DPYSL3: variants seen among roughly 807,000 people sequenced by gnomAD.
DPYSL3 encodes dihydropyrimidinase-related protein 3.
DPYSL3 carries 16 observed loss-of-function variants against 66.1 expected under a neutral mutation model. The ratio of observed to expected loss-of-function variants is 0.24; its 90% CI spans 0.16 to 0.37. The LOEUF (loss-of-function observed/expected upper bound fraction) is 0.37. Among genes scored for constraint, DPYSL3 ranks in the 10% least tolerant of loss-of-function variants. The pLI is 1.00. For missense variants in DPYSL3, 738 were observed against 916.2 expected, an observed-to-expected ratio of 0.81 and a Z score of 2.51; for synonymous variants, 338 against 345.1, an observed-to-expected ratio of 0.98 and a Z score of 0.23.
intron 1 of DPYSL3, among the ~76,000 whole-genome samples, chr5:147,506,198 TAGAA>T (rs1753683651): frequency 6.6e-6 from 1 of 152,130 alleles, no homozygotes; most frequent in Non-Finnish European, 1.5e-5. Flanking sequence ...TATGATATAA[TAGAA>T]AGATGAGCTA....
intron 1 of DPYSL3, among the ~76,000 whole-genome samples, chr5:147,504,945 T>A (rs1251901954): frequency 6.6e-6 from 1 of 152,258 alleles, no homozygotes; most frequent in Non-Finnish European, 1.5e-5. Context: ...GTAACTATTT[T>A]ACTGCTAGGA....
chr5:147,453,519 G>A (rs1384938040), intron 1 of DPYSL3: 3 of 1,521,970 alleles, frequency 2.0e-6, no homozygotes, highest in East Asian at 5.3e-5. Flanking sequence ...AGCGAGCGAG[G>A]AGGGAGGGAG....
At chr5:147,467,384 T>A (rs1753026303) in intron 1 of DPYSL3, among the ~76,000 whole-genome samples, 1 of 152,122 alleles carries the variant, frequency 6.6e-6, no homozygotes, top group Non-Finnish European at 1.5e-5. Flanking sequence ...TAGTACAGGA[T>A]AATTAAAAGA....
rs907612116 is a variant in DPYSL3, at chr5:147,453,643, C to A, written c.382-28680G>T. The stretch of plus-strand genomic sequence containing the variant: ...CCTCCCTCCTTCTTCTGCTCCGGCT[C>A]GCCCGCGCCTTCCTCAGCGCACAGC... On this transcript the variant is annotated intron_variant, in intron 1 of 13. Coordinates refer to ENST00000343218, the MANE Select transcript of DPYSL3 (RefSeq NM_001197294.2). The A allele has an allele frequency of 1.4e-5, 21 of 1,507,838 alleles. No individual in the cohort carries two copies. In the Middle Eastern group the frequency reaches 5.8e-4, roughly 42 times the overall value. The allele number at this position is 1,507,838 out of a possible 1,614,324, so 93.4% of individuals were successfully genotyped here. A position where few individuals can be genotyped will look rare whatever the true frequency, so the allele number is the denominator to read the frequency against.
intron 1 of DPYSL3, among the ~76,000 whole-genome samples, chr5:147,492,125 G>C (rs1405129797): frequency 2.6e-5 from 4 of 152,008 alleles, no homozygotes; most frequent in African/African-American, 9.7e-5. Context: ...CCAGAAAAGA[G>C]TGAATACAAA....
chr5:147,483,190 G>A (rs956834949), intron 1 of DPYSL3, among the ~76,000 whole-genome samples: 16 of 152,148 alleles, frequency 1.1e-4, no homozygotes, highest in Admixed American at 4.6e-4. Flanking sequence ...AAAGGGATAT[G>A]ATCAAATTTA....
intron 1 of DPYSL3, among the ~76,000 whole-genome samples, chr5:147,500,096 C>T (rs368060501): frequency 8.5e-5 from 13 of 152,198 alleles, no homozygotes; most frequent in African/African-American, 2.6e-4. Flanking sequence ...GAAAATAACA[C>T]AGATGACCTT....
chr5:147,456,493 C>A (rs540417557), intron 1 of DPYSL3, among the ~76,000 whole-genome samples: 1 of 151,834 alleles, frequency 6.6e-6, no homozygotes, highest in East Asian at 1.9e-4. Context: ...GTTGCTCAGG[C>A]GAAAGGTTTG....
At chr5:147,500,545 T>C (rs1245605077) in intron 1 of DPYSL3, among the ~76,000 whole-genome samples, 1 of 145,180 alleles carries the variant, frequency 6.9e-6, no homozygotes, top group Non-Finnish European at 1.5e-5. Context: ...ACCTGGGAGA[T>C]AGAGATTGCA....
At chr5:147,414,724 G>A (rs1751927264) in intron 4 of DPYSL3, among the ~76,000 whole-genome samples, 1 of 152,162 alleles carries the variant, frequency 6.6e-6, no homozygotes, top group South Asian at 2.1e-4. Flanking sequence ...CACATTCTGT[G>A]TCACCAAAGA....
intron 1 of DPYSL3, among the ~76,000 whole-genome samples, chr5:147,476,845 T>C (rs2126429865): frequency 6.6e-6 from 1 of 152,312 alleles, no homozygotes; most frequent in African/African-American, 2.4e-5. Context: ...ATGAACAATG[T>C]TCATTGCAAA....
At chr5:147,500,880 G>T (rs549633211) in intron 1 of DPYSL3, among the ~76,000 whole-genome samples, 1 of 152,254 alleles carries the variant, frequency 6.6e-6, no homozygotes, top group Admixed American at 6.5e-5. Flanking sequence ...AATGCAGATT[G>T]GTAGCACCAC....
intron 1 of DPYSL3, among the ~76,000 whole-genome samples, chr5:147,462,003 G>A (rs1215455689): frequency 1.3e-5 from 2 of 151,568 alleles, no homozygotes; most frequent in Non-Finnish European, 2.9e-5. Context: ...GCAGAGGTTA[G>A]CAGCACAGTT....
At chr5:147,494,124 C>T (rs958365844) in intron 1 of DPYSL3, among the ~76,000 whole-genome samples, 8 of 151,702 alleles carry the variant, frequency 5.3e-5, no homozygotes, top group East Asian at 3.9e-4. Flanking sequence ...ACCCAGGAGG[C>T]GGAGGTGTCT....
intron 1 of DPYSL3, among the ~76,000 whole-genome samples, chr5:147,499,070 C>T (rs931134683): frequency 1.3e-5 from 2 of 152,098 alleles, no homozygotes; most frequent in African/African-American, 4.8e-5. Context: ...ACATTTCACT[C>T]TTTAATCCAT....
intron 1 of DPYSL3, among the ~76,000 whole-genome samples, chr5:147,437,577 G>A (rs555226397): frequency 4.6e-5 from 7 of 152,288 alleles, no homozygotes; most frequent in Admixed American, 2.6e-4. Context: ...CACACCAGGC[G>A]GCCATGAAGA....
chr5:147,480,703 A>ATATATATTAT (rs1554116786), intron 1 of DPYSL3, among the ~76,000 whole-genome samples: 6 of 142,472 alleles, frequency 4.2e-5, no homozygotes, highest in African/African-American at 1.5e-4. Context: ...GAATATATAT[A>ATATATATTAT]TATTATTATT....
At chr5:147,445,225 G>A (rs151330322) in intron 1 of DPYSL3, among the ~76,000 whole-genome samples, 1 of 152,290 alleles carries the variant, frequency 6.6e-6, no homozygotes, top group East Asian at 1.9e-4. Flanking sequence ...GAGGACTGGA[G>A]GCCAGACAAG....
At chr5:147,499,404 C>A (rs1042223197) in intron 1 of DPYSL3, among the ~76,000 whole-genome samples, 2 of 151,938 alleles carry the variant, frequency 1.3e-5, no homozygotes, top group Non-Finnish European at 2.9e-5. Context: ...TACATTAGCA[C>A]CCTGGAAATG....
Sources: gnomAD v4.1 joint callset for allele counts (sites outside exome capture counted in the v4.1 genomes callset) on GRCh38, gnomAD v4.1.1 for gene constraint, MANE v1.5 for transcripts, NCBI Gene and HGNC (gene_info 2026-07-23, HGNC 2026-07-21) for gene names.